MAPK10: variants seen among roughly 807,000 people sequenced by gnomAD.
The protein encoded by MAPK10 is JNK3 alpha protein kinase.
Under a neutral mutation model 59.3 loss-of-function variants are expected in MAPK10, and 25 were observed. The observed-to-expected ratio is 0.42, with a 90% CI of 0.31 to 0.59. The LOEUF (loss-of-function observed/expected upper bound fraction) is 0.59. Ranked by LOEUF, MAPK10 falls within the 20% of genes least tolerant of loss-of-function variation. The probability of loss-of-function intolerance (pLI) is 0.15; values close to 1 mark genes in which losing one functional copy is unlikely to be tolerated. For synonymous variants in MAPK10, 190 were observed against 200.5 expected, an observed-to-expected ratio of 0.95 and a Z score of 0.44; for missense variants, 351 against 568.9, an observed-to-expected ratio of 0.62 and a Z score of 3.90.
intron 1 of MAPK10, among the ~76,000 whole-genome samples, chr4:86,422,126 T>G (rs930888829): frequency 2.0e-5 from 3 of 151,860 alleles, no homozygotes; most frequent in Non-Finnish European, 4.4e-5. Flanking sequence ...CAGTTAACTA[T>G]TTTTTTTACA....
chr4:86,133,660 G>A (rs12647506), intron 4 of MAPK10, among the ~76,000 whole-genome samples: 21,452 of 152,146 alleles, frequency 0.14, 1,613 homozygotes, highest in Admixed American at 0.17. Context: ...GTATTAACAC[G>A]TATGAATCTA....
At chr4:86,160,826 C>T (rs1020942244) in intron 3 of MAPK10, among the ~76,000 whole-genome samples, 3 of 151,992 alleles carry the variant, frequency 2.0e-5, no homozygotes, top group Non-Finnish European at 2.9e-5. Context: ...ATTTAAATCT[C>T]CTTGGGCTCT....
intron 1 of MAPK10, among the ~76,000 whole-genome samples, chr4:86,501,805 A>AC (rs1398880507): frequency 6.6e-6 from 1 of 152,014 alleles, no homozygotes; most frequent in Non-Finnish European, 1.5e-5. Flanking sequence ...ACTATCCTTC[A>AC]CTCAAAAAAT....
At chr4:86,089,231 AC>A (rs2052576915) in intron 9 of MAPK10, 1 of 1,612,996 alleles carries the variant, frequency 6.2e-7, no homozygotes, top group Non-Finnish European at 8.5e-7. Flanking sequence ...ACAGCACTGC[AC>A]CTTTTATCAT....
chr4:86,318,818 C>G (rs1003581948), intron 2 of MAPK10, among the ~76,000 whole-genome samples: 5 of 152,080 alleles, frequency 3.3e-5, no homozygotes, highest in Admixed American at 1.3e-4. Flanking sequence ...TTGGAAAGAT[C>G]CCTAAGTAAT....
intron 1 of MAPK10, among the ~76,000 whole-genome samples, chr4:86,552,510 G>A (rs1440589532): frequency 7.7e-5 from 6 of 77,808 alleles, no homozygotes; most frequent in East Asian, 3.9e-4. Context: ...GGAAAGGAAG[G>A]AAGGAAGGAA....
intron 1 of MAPK10, among the ~76,000 whole-genome samples, chr4:86,536,299 T>C (rs1050521813): frequency 6.1e-4 from 93 of 152,332 alleles, no homozygotes; most frequent in Non-Finnish European, 2.2e-4. Context: ...TAATTTTACT[T>C]GACATAATTC....
chr4:86,318,443 T>C (rs968698247), intron 2 of MAPK10, among the ~76,000 whole-genome samples: 1 of 152,152 alleles, frequency 6.6e-6, no homozygotes, highest in Non-Finnish European at 1.5e-5. Flanking sequence ...TTCAAAATTA[T>C]AAAAAATTGG....
At chr4:86,460,066 A>T (rs560471346) in intron 1 of MAPK10, among the ~76,000 whole-genome samples, 46 of 152,308 alleles carry the variant, frequency 3.0e-4, no homozygotes, top group African/African-American at 9.4e-4. Flanking sequence ...CACTAAATCT[A>T]TCATTAAATC....
chr4:86,076,136 G>A (rs980070229), intron 9 of MAPK10, among the ~76,000 whole-genome samples: 99 of 152,284 alleles, frequency 6.5e-4, no homozygotes, highest in African/African-American at 2.2e-3. Flanking sequence ...TGCAATATTC[G>A]GGTGGGAGTG....
chr4:86,103,196 ACTC>A lies in MAPK10; in HGVS notation c.412_414del (p.Glu138del). ...AGTTTTGTTACTTACACATCTTGGA[ACTC>A]CTCCAGCGTTTTCTGGGGTGTGAAG... On this transcript the variant is annotated inframe_deletion, in exon 6 of 14. Transcript: ENST00000641462. The A allele has an allele frequency of 6.2e-7, 1 of 1,610,744 alleles. No homozygotes were observed. Among genetic ancestry groups the A allele is most frequent in the Non-Finnish European group, 8.5e-7 (1 of 1,178,024 alleles).
intron 11 of MAPK10, among the ~76,000 whole-genome samples, chr4:86,036,862 A>AC (rs2040413541): frequency 6.6e-6 from 1 of 152,194 alleles, no homozygotes; most frequent in Non-Finnish European, 1.5e-5. Context: ...AAATATGTGG[A>AC]CACTCTACAT....
intron 11 of MAPK10, 96 bp downstream of exon 11, chr4:86,064,170 T>C: frequency 7.0e-7 from 1 of 1,437,216 alleles, no homozygotes; most frequent in South Asian, 1.3e-5. Context: ...TTTATAAAAA[T>C]CCATTGTGCA....
intron 2 of MAPK10, among the ~76,000 whole-genome samples, chr4:86,211,500 G>A (rs1172717522): frequency 6.6e-6 from 1 of 151,896 alleles, no homozygotes; most frequent in Non-Finnish European, 1.5e-5. Context: ...TTCAAAAGTA[G>A]GAAAGAAATT....
chr4:86,103,297 AAT>A, intron 5 of MAPK10, 53 bp from the exon 6 acceptor site: 1 of 928,074 alleles, frequency 1.1e-6, no homozygotes, highest in Non-Finnish European at 1.8e-6. Flanking sequence ...AAAGAGAGAG[AAT>A]GTATTATTTT....
intron 2 of MAPK10, among the ~76,000 whole-genome samples, chr4:86,214,490 T>C (rs143559292): frequency 0.017 from 1,562 of 93,780 alleles, 14 homozygotes; most frequent in South Asian, 0.04. Flanking sequence ...ATTTTCTACA[T>C]AGAAAACCCT....
At chr4:86,546,359 C>T (rs1234894329) in intron 1 of MAPK10, among the ~76,000 whole-genome samples, 1 of 151,612 alleles carries the variant, frequency 6.6e-6, no homozygotes, top group Non-Finnish European at 1.5e-5. Flanking sequence ...ACAAGCCTGG[C>T]CAACATGGCA....
chr4:86,574,786 A>T (rs187536503), intron 1 of MAPK10, among the ~76,000 whole-genome samples: 1 of 152,106 alleles, frequency 6.6e-6, no homozygotes, highest in South Asian at 2.1e-4. Flanking sequence ...ATGGGGGGCA[A>T]ATTACACCAT....
At chr4:86,390,216 C>T (rs929115116) in intron 1 of MAPK10, among the ~76,000 whole-genome samples, 1 of 151,896 alleles carries the variant, frequency 6.6e-6, no homozygotes. Flanking sequence ...ATCATATATG[C>T]AGGTAGATTG....
Sources: gnomAD v4.1 joint callset for allele counts (sites outside exome capture counted in the v4.1 genomes callset) on GRCh38, gnomAD v4.1.1 for gene constraint, MANE v1.5 for transcripts, NCBI Gene and HGNC (gene_info 2026-07-23, HGNC 2026-07-21) for gene names.